Variants in FBLN5 observed in about 807,000 individuals in gnomAD.
FBLN5 encodes the protein fibulin 5.
In FBLN5, 24 loss-of-function variants were observed where a neutral mutation model predicts 61.6. The ratio of observed to expected loss-of-function variants is 0.39; its 90% CI spans 0.28 to 0.55. The LOEUF (loss-of-function observed/expected upper bound fraction) is 0.55. FBLN5 is among the 20% of genes least tolerant of loss of function. The pLI, the probability that FBLN5 is intolerant of heterozygous loss-of-function variation, is 0.65. For synonymous variants in FBLN5, 213 were observed against 219.8 expected (o/e 0.97, Z 0.27); for missense variants, 470 against 594.1 (o/e 0.79, Z 2.17).
At chr14:91,874,174 C>T (rs1398855416) in intron 10 of FBLN5, 1 of 152,224 alleles carries the variant, frequency 6.6e-6, no homozygotes, top group Non-Finnish European at 1.5e-5. Context: ...TGGTTATAAT[C>T]AAATCAATGA....
Position 91,933,072 on chromosome 14 carries a change from G to T in FBLN5, c.379+3875C>A, listed in dbSNP as rs929109485. Among the ~76,000 whole-genome samples the T allele has an allele frequency of 2.6e-5, 4 of 152,304 alleles. No homozygotes were observed. The South Asian group carries it at 6.2e-4, about 24-fold the overall frequency. On this transcript the variant is annotated intron_variant, in intron 4 of 10. Coordinates refer to ENST00000342058, the MANE Select transcript of FBLN5 (RefSeq NM_006329.4). ...ACTAATGTTAGTGAAATGTTTTGTG[G>T]CTGAGAAAGCAGGATTTTGTTAGAG...
chr14:91,936,884 C>G, intron 4 of FBLN5, 63 bp downstream of exon 4: 1 of 1,600,798 alleles, frequency 6.2e-7, no homozygotes, highest in Non-Finnish European at 8.6e-7. Flanking sequence ...GGTGAGCATG[C>G]CAGATACAGA....
intron 4 of FBLN5, among the ~76,000 whole-genome samples, chr14:91,917,430 G>T (rs1318060414): frequency 2.0e-5 from 3 of 151,958 alleles, no homozygotes; most frequent in African/African-American, 4.8e-5. Context: ...ACACACATTA[G>T]CTGGGCATGG....
At chr14:91,942,762 A>G in intron 2 of FBLN5, 145 bp downstream of exon 2, 1 of 663,844 alleles carries the variant, frequency 1.5e-6, no homozygotes, top group South Asian at 1.6e-5. Flanking sequence ...TCCACTGTTA[A>G]CCTCTGAGAA....
At chr14:91,939,684 T>A (rs773250530) in intron 3 of FBLN5, among the ~76,000 whole-genome samples, 3 of 152,122 alleles carry the variant, frequency 2.0e-5, no homozygotes, top group Non-Finnish European at 4.4e-5. Context: ...TATTACTTTC[T>A]CCTCTTCTTT....
intron 10 of FBLN5, among the ~76,000 whole-genome samples, chr14:91,870,753 A>T (rs1888885643): frequency 6.6e-6 from 1 of 152,222 alleles, no homozygotes; most frequent in Non-Finnish European, 1.5e-5. Context: ...CTAGGCTATG[A>T]GTTCTGTAAG....
intron 4 of FBLN5, among the ~76,000 whole-genome samples, chr14:91,915,024 G>T (rs893560797): frequency 1.3e-5 from 2 of 151,986 alleles, no homozygotes; most frequent in African/African-American, 2.4e-5. Flanking sequence ...GCTGGGTGTG[G>T]TGGCGAGCAC....
chr14:91,880,443 G>A (rs1010777816), intron 9 of FBLN5, among the ~76,000 whole-genome samples: 1 of 152,092 alleles, frequency 6.6e-6, no homozygotes, highest in African/African-American at 2.4e-5. Context: ...CTCAACTCTC[G>A]GCTTGGTTAG....
chr14:91,880,048 G>T (rs1889348655), intron 9 of FBLN5, among the ~76,000 whole-genome samples: 1 of 152,228 alleles, frequency 6.6e-6, no homozygotes, highest in South Asian at 2.1e-4. Context: ...TTTGGAAGTT[G>T]TCTTCACTTT....
chr14:91,895,671 G>A (rs1041046932), intron 4 of FBLN5, among the ~76,000 whole-genome samples: 1 of 151,640 alleles, frequency 6.6e-6, no homozygotes, highest in African/African-American at 2.4e-5. Flanking sequence ...GGTGGCATGC[G>A]CCTGTAGTCC....
chr14:91,888,329 G>A (rs1244267148), intron 6 of FBLN5, among the ~76,000 whole-genome samples: 1 of 151,300 alleles, frequency 6.6e-6, no homozygotes, highest in Non-Finnish European at 1.5e-5. Context: ...TATAGGCTGG[G>A]TGCAGTGGCT....
At chr14:91,886,594 C>T (rs1889733775) in intron 7 of FBLN5, among the ~76,000 whole-genome samples, 1 of 152,154 alleles carries the variant, frequency 6.6e-6, no homozygotes, top group African/African-American at 2.4e-5. Context: ...TATGTTCTCA[C>T]AACAAATTAT....
intron 1 of FBLN5, among the ~76,000 whole-genome samples, chr14:91,944,084 C>A (rs1215062627): frequency 6.6e-6 from 1 of 152,180 alleles, no homozygotes; most frequent in African/African-American, 2.4e-5. Context: ...AATCCCAGCA[C>A]TTTGGGAGGC....
chr14:91,927,448 T>A (rs1411102544), intron 4 of FBLN5, among the ~76,000 whole-genome samples: 1 of 152,244 alleles, frequency 6.6e-6, no homozygotes, highest in African/African-American at 2.4e-5. Flanking sequence ...ATGTGAGTCA[T>A]TCTGTTCTAG....
At chr14:91,870,956 C>T (rs1008160958) in intron 10 of FBLN5, among the ~76,000 whole-genome samples, 2 of 152,022 alleles carry the variant, frequency 1.3e-5, no homozygotes, top group African/African-American at 4.8e-5. Context: ...GCATTGAGTA[C>T]ATACACATGG....
intron 4 of FBLN5, among the ~76,000 whole-genome samples, chr14:91,925,377 G>A (rs2140029900): frequency 6.6e-6 from 1 of 152,252 alleles, no homozygotes; most frequent in Non-Finnish European, 1.5e-5. Flanking sequence ...AGGCCCTCTG[G>A]AGGGAAGGAA....
At chr14:91,911,801 C>CG (rs1890954669) in intron 4 of FBLN5, among the ~76,000 whole-genome samples, 1 of 88,424 alleles carries the variant, frequency 1.1e-5, no homozygotes, top group South Asian at 3.6e-4. Flanking sequence ...AAGGAAAAGA[C>CG]GGAAAAAAAA....
intron 9 of FBLN5, among the ~76,000 whole-genome samples, chr14:91,881,024 A>T (rs181946951): frequency 1.3e-5 from 2 of 152,332 alleles, no homozygotes; most frequent in East Asian, 1.9e-4. Flanking sequence ...AAACTAAAAG[A>T]TAAGTTTCAA....
chr14:91,934,078 T>C (rs1470893130), intron 4 of FBLN5, among the ~76,000 whole-genome samples: 1 of 152,046 alleles, frequency 6.6e-6, no homozygotes, highest in Non-Finnish European at 1.5e-5. Flanking sequence ...TGGTGGCACA[T>C]GCCTGTAGTC....
Sources: allele counts gnomAD v4.1 joint callset (sites outside exome capture counted in the v4.1 genomes callset), GRCh38; gene constraint gnomAD v4.1.1; transcripts MANE v1.5; gene names NCBI Gene and HGNC (gene_info 2026-07-23, HGNC 2026-07-21).